The following DDX60 variants were observed in gnomAD, a reference collection of about 807,000 sequenced individuals.
The protein encoded by DDX60 is DExD/H-box helicase 60.
A neutral mutation model predicts 212.8 loss-of-function variants in DDX60; 165 were observed. The observed-to-expected ratio is 0.78, with a 90% CI of 0.68 to 0.88. DDX60 has a LOEUF of 0.88. Among genes scored for constraint, DDX60 ranks in the 40% least tolerant of loss-of-function variants. DDX60 has a pLI of 0.00. For synonymous variants in DDX60, 703 were observed against 685.3 expected (o/e 1.03, Z -0.40); for missense variants, 1,905 against 2,003.9 (o/e 0.95, Z 0.94).
chr4:168,217,993 T>C (rs1578958822), intron 37 of DDX60, among the ~76,000 whole-genome samples: 1 of 152,088 alleles, frequency 6.6e-6, no homozygotes, highest in Admixed American at 6.6e-5. Flanking sequence ...AAGAAACTAA[T>C]GTACAGGTAA....
chr4:168,285,894 A>AG (rs2149530097), intron 10 of DDX60, among the ~76,000 whole-genome samples: 1 of 121,076 alleles, frequency 8.3e-6, no homozygotes, highest in Admixed American at 8.4e-5. Flanking sequence ...GAAGGAGGGA[A>AG]GAAAGGAAGG....
intron 29 of DDX60, 88 bp from the exon 30 acceptor site, chr4:168,246,706 A>G: frequency 7.2e-7 from 1 of 1,389,438 alleles, no homozygotes; most frequent in East Asian, 2.3e-5. Context: ...TCTGGTTTGG[A>G]GCATGGAAAT....
chr4:168,287,332 C>T (rs186695332), intron 9 of DDX60, 129 bp from the exon 10 acceptor site: 23 of 758,768 alleles, frequency 3.0e-5, no homozygotes, highest in Non-Finnish European at 4.3e-5. Context: ...TTAGTGAGTT[C>T]CACACTGGAC....
chr4:168,315,410 C>T (rs1737320601), intron 1 of DDX60, among the ~76,000 whole-genome samples: 1 of 152,166 alleles, frequency 6.6e-6, no homozygotes, highest in African/African-American at 2.4e-5. Flanking sequence ...ATTTCACCAA[C>T]CATATATCCT....
At position 168,237,392 on chromosome 4, in the gene DDX60, A is replaced by T; in HGVS notation, c.4305T>A (p.Phe1435Leu). The stretch of plus-strand genomic sequence containing the variant: ...AATGCAAATGTGATACAAGTCCAGC[A>T]AACCCCATAGGATTACCTTCTTGAT... ...YLDQEGNPMGFAGLVSHLHYH... is the reference protein window; with the variant it reads ...YLDQEGNPMGLAGLVSHLHYH... The change falls in exon 32 of 38, where the codon TTT (phenylalanine) becomes TTA (leucine). Residue 1435 changes from phenylalanine to leucine, a missense_variant. Transcript: ENST00000393743. 1 of 1,597,956 alleles carries T rather than the reference A, an allele frequency of 6.3e-7. No individual in the cohort carries two copies.
chr4:168,252,854 G>C (rs1734268345), intron 26 of DDX60, among the ~76,000 whole-genome samples, 198 bp from the exon 27 acceptor site: 1 of 151,872 alleles, frequency 6.6e-6, no homozygotes, highest in African/African-American at 2.4e-5. Context: ...ACCCAGGCTG[G>C]AGTGTAATGG....
At chr4:168,279,133 G>C (rs1324143140) in intron 14 of DDX60, among the ~76,000 whole-genome samples, 1 of 152,180 alleles carries the variant, frequency 6.6e-6, no homozygotes, top group Non-Finnish European at 1.5e-5. Context: ...GACTGAAGAA[G>C]ACATACACTC....
chr4:168,254,070 C>T (rs72975339), intron 26 of DDX60, among the ~76,000 whole-genome samples: 18,182 of 152,178 alleles, frequency 0.12, 1,527 homozygotes, highest in African/African-American at 0.22. Context: ...GGCAAAGCTC[C>T]ACATATTATT....
At chr4:168,230,951 G>C (rs1464259999) in intron 33 of DDX60, among the ~76,000 whole-genome samples, 1 of 151,890 alleles carries the variant, frequency 6.6e-6, no homozygotes, top group Non-Finnish European at 1.5e-5. Context: ...TAGACCATTA[G>C]TGAGATTAGC....
In DDX60 at chr4:168,268,885, CTGAAAG is replaced by C. The variant is rs761493332; in HGVS notation, c.2749_2754del (p.Leu917_Ser918del). On this transcript the variant is annotated inframe_deletion, in exon 20 of 38. Coordinates refer to ENST00000393743, the MANE Select transcript of DDX60 (RefSeq NM_017631.6). ...AGATGTTCAGGATTACTTATGGTAG[CTGAAAG>C]AGCCAAAAAGGGACATCGGATCATG... is the stretch of plus-strand genomic sequence containing the variant. 6.3e-7 allele frequency: 1 copy of C among 1,592,872 alleles called. No individual in the cohort carries two copies. The highest frequency in any genetic ancestry group is 1.1e-5 in the South Asian group (1 of 87,024).
At chr4:168,278,990 G>A (rs1157150785) in intron 14 of DDX60, among the ~76,000 whole-genome samples, 1 of 152,164 alleles carries the variant, frequency 6.6e-6, no homozygotes, top group African/African-American at 2.4e-5. Context: ...TCTGGAAGAA[G>A]ATGCCCAATA....
chr4:168,226,690 T>C (rs1187008301), intron 33 of DDX60, among the ~76,000 whole-genome samples: 1 of 152,080 alleles, frequency 6.6e-6, no homozygotes, highest in African/African-American at 2.4e-5. Context: ...ATTCTTTTAG[T>C]TATTCAGCCA....
At chr4:168,236,825 T>C (rs544633714) in intron 32 of DDX60, among the ~76,000 whole-genome samples, 1 of 151,802 alleles carries the variant, frequency 6.6e-6, no homozygotes, top group African/African-American at 2.4e-5. Context: ...TATTTAGGTA[T>C]ACTATACAAT....
chr4:168,263,087 T>C (rs1433888717), intron 22 of DDX60, among the ~76,000 whole-genome samples: 1 of 152,234 alleles, frequency 6.6e-6, no homozygotes, highest in East Asian at 1.9e-4. Context: ...CTGAAAGATT[T>C]GTGGACTCAG....
chr4:168,324,880 T>C, the DDX60 span, among the ~76,000 whole-genome samples: 1 of 152,204 alleles, frequency 6.6e-6, no homozygotes, highest in Non-Finnish European at 1.5e-5. Flanking sequence ...AGATCTTGTC[T>C]GCAAAGACTG....
chr4:168,236,173 T>C, intron 33 of DDX60, 79 bp downstream of exon 33: 3 of 1,377,796 alleles, frequency 2.2e-6, no homozygotes, highest in Non-Finnish European at 3.0e-6. Flanking sequence ...ATTAAAATTC[T>C]ACAGCTGCTA....
At chr4:168,294,470 T>A (rs1684992963) in intron 6 of DDX60, among the ~76,000 whole-genome samples, 1 of 150,562 alleles carries the variant, frequency 6.6e-6, no homozygotes, top group Admixed American at 6.6e-5. Context: ...CCACAGATTT[T>A]GCAAACGATA....
chr4:168,280,866 G>A (rs1239733831), intron 13 of DDX60, among the ~76,000 whole-genome samples: 8 of 152,174 alleles, frequency 5.3e-5, no homozygotes, highest in South Asian at 2.1e-4. Flanking sequence ...GTTGCTGGGC[G>A]TGGTGAATGA....
At chr4:168,298,100 C>G (rs1022071314) in intron 6 of DDX60, among the ~76,000 whole-genome samples, 1 of 151,598 alleles carries the variant, frequency 6.6e-6, no homozygotes, top group Non-Finnish European at 1.5e-5. Flanking sequence ...AAAAATGGTA[C>G]AGCATGGTAA....
Sources: allele counts gnomAD v4.1 joint callset (sites outside exome capture counted in the v4.1 genomes callset), GRCh38; gene constraint gnomAD v4.1.1; transcripts MANE v1.5; gene names NCBI Gene and HGNC (gene_info 2026-07-23, HGNC 2026-07-21).